Variants in EML3 observed in about 807,000 individuals in gnomAD.
EML3 encodes EMAP like 3, also known as echinoderm microtubule-associated protein-like 3.
Under a neutral mutation model 106.7 loss-of-function variants are expected in EML3, and 53 were observed. The ratio of observed to expected loss-of-function variants is 0.50; its 90% CI spans 0.40 to 0.62. The LOEUF (loss-of-function observed/expected upper bound fraction) is 0.62, where lower values mean the gene tolerates loss of function less well. Among genes scored for constraint, EML3 ranks in the 20% least tolerant of loss-of-function variants. The pLI, the probability that EML3 is intolerant of heterozygous loss-of-function variation, is 0.00. For missense variants in EML3, 994 were observed against 1,209.1 expected (o/e 0.82, Z 2.64); for synonymous variants, 499 against 489.6 (o/e 1.02, Z -0.25).
rs114025614 is a variant in EML3, at chr11:62,607,847, C to T, written c.1207-26G>A. 1.4e-3 allele frequency: 2,200 copies of T among 1,603,900 alleles called. 31 individuals are homozygous for T. In the African/African-American group the frequency reaches 0.027, roughly 20 times the overall value. ...CTGAAGGGAAGACACTAGATTCAGCCACCCCAAGCCCTGGGTACCTTCATT... is the reference window on the plus strand; with the variant it reads ...CTGAAGGGAAGACACTAGATTCAGCTACCCCAAGCCCTGGGTACCTTCATT... On this transcript the variant is annotated intron_variant, in intron 10 of 21. Transcript: ENST00000394773.
chr11:62,602,471 G>C lies in EML3; in HGVS notation c.*4C>G. ...CCGGGCCAGTCGGTCCCGCCAGGCA[G>C]CGATCAAACGTCGAGGGAGGAGGCG... On this transcript the variant is annotated 3_prime_UTR_variant, in exon 22 of 22. Coordinates refer to ENST00000394773, the MANE Select transcript of EML3 (RefSeq NM_153265.3). 6.5e-7 allele frequency: 1 copy of C among 1,541,304 alleles called. No homozygotes were observed. The highest frequency in any genetic ancestry group is 8.8e-7 in the Non-Finnish European group (1 of 1,141,500).
At chr11:62,606,395 G>C (rs1942521949) in intron 12 of EML3, 181 bp from the exon 13 acceptor site, 1 of 754,514 alleles carries the variant, frequency 1.3e-6, no homozygotes, top group East Asian at 2.7e-5. Flanking sequence ...GGACAACTGA[G>C]ACTCACAGAA....
Position 62,602,428 on chromosome 11 carries a change from C to CGGGGG in EML3, c.*46_*47insCCCCC. 1.4e-6 allele frequency: 1 copy of CGGGGG among 737,180 alleles called. No homozygotes were observed. The highest frequency in any genetic ancestry group is 2.1e-6 in the Non-Finnish European group (1 of 474,304). The allele number at this position is 737,180 out of a possible 1,614,324, so 45.7% of individuals were successfully genotyped here. A position where few individuals can be genotyped will look rare whatever the true frequency, so the allele number is the denominator to read the frequency against. ...GGGATTGGGCCAGGGAAGGGCAGGG[C>CGGGGG]GGGGCGGGGCCACGCCGCCGGGCCA... On this transcript the variant is annotated 3_prime_UTR_variant, in exon 22 of 22. Coordinates refer to ENST00000394773, the MANE Select transcript of EML3 (RefSeq NM_153265.3).
rs1297217192 is a variant in EML3, at chr11:62,608,304, AG to A, written c.1111-9del. ...AAGAAAGGCACCCTGATCCTGAAGAAGGGTGACACATAGGAGGTGCAGAGTG... is the reference window on the plus strand; with the variant it reads ...AAGAAAGGCACCCTGATCCTGAAGAAGGTGACACATAGGAGGTGCAGAGTG... On this transcript the variant is annotated splice_polypyrimidine_tract_variant and intron_variant, in intron 9 of 21. Transcript: ENST00000394773. 1.2e-6 allele frequency: 2 copies of A among 1,613,340 alleles called. No individual in the cohort carries two copies. Among genetic ancestry groups the A allele is most frequent in the Admixed American group, 3.3e-5 (2 of 60,034 alleles).
At chr11:62,607,496 C>T in intron 11 of EML3, 170 bp downstream of exon 11, 3 of 710,032 alleles carry the variant, frequency 4.2e-6, no homozygotes, top group Admixed American at 3.2e-5. Context: ...GAGATCTTGC[C>T]ATTGCACTCT....
chr11:62,610,984 C>T lies in EML3; in HGVS notation c.461G>A (p.Arg154Lys). 1 of 1,613,430 alleles carries T rather than the reference C, an allele frequency of 6.2e-7. No homozygotes were observed. Among genetic ancestry groups the T allele is most frequent in the Non-Finnish European group, 8.5e-7 (1 of 1,179,924 alleles). The change falls in exon 4 of 22, where the codon AGA (arginine) becomes AAA (lysine). Residue 154 changes from arginine (R) to lysine (K), a missense_variant. Arg to Lys is a conservative substitution (Grantham distance 26). Around this residue, in one of 3 missense-constraint regions of EML3, gnomAD observed 269 missense variants for 265.1 expected, o/e 1.01. Coordinates refer to ENST00000394773, the MANE Select transcript of EML3 (RefSeq NM_153265.3). Reference sequence around the variant, plus strand: ...GGGGGATGAGGAGGAGGAAGAATTTCTTCGCGGCCTGGTGGGGGCATAGTG... The same window carrying T: ...GGGGGATGAGGAGGAGGAAGAATTTTTTCGCGGCCTGGTGGGGGCATAGTG... The part of the protein sequence containing the change: ...QPPQRADTPR[R>K]NSSSSSSPSE...
At position 62,605,645 on chromosome 11, in the gene EML3, G is replaced by C; in HGVS notation, c.1911C>G (p.Leu637=). Reference sequence around the variant, plus strand: ...ATCCAGGGGCACAGGGCTCTACCTTGAGGTCGATGCTCCAGGCCAGTGCAT... The same window carrying C: ...ATCCAGGGGCACAGGGCTCTACCTTCAGGTCGATGCTCCAGGCCAGTGCAT... The part of the protein sequence containing the change: ...ESHALAWSID[L]KETGLCADFH... Residue 637 remains leucine (L), a synonymous_variant, in exon 15 of 22, where the codon CTC becomes CTG. Transcript: ENST00000394773. This position sits in a 1 kb window ranked among gnomAD's most constrained non-coding sequence, Gnocchi z 5.2. 3.9e-6 allele frequency: 6 copies of C among 1,540,086 alleles called. No homozygotes were observed. The highest frequency in any genetic ancestry group is 5.2e-6 in the Non-Finnish European group (6 of 1,143,640).
chr11:62,606,856 C>CA (rs71056532), intron 12 of EML3, 102 bp downstream of exon 12: 95,745 of 910,698 alleles, frequency 0.11, 109 homozygotes, highest in Non-Finnish European at 0.11. Context: ...GACCTCATCT[C>CA]AAAAAAAAAA....
chr11:62,605,328 T>G lies in EML3; in HGVS notation c.1915-148A>C. The G allele has an allele frequency of 1.3e-6, 1 of 795,760 alleles. No individual in the cohort carries two copies. Among genetic ancestry groups the G allele is most frequent in the Non-Finnish European group, 1.9e-6 (1 of 518,284 alleles). 49.3% of individuals were successfully genotyped at this position (795,760 alleles called of 1,614,324 possible). A position where few individuals can be genotyped will look rare whatever the true frequency, so the allele number is the denominator to read the frequency against. On this transcript the variant is annotated intron_variant, in intron 15 of 21. Transcript: ENST00000394773. The surrounding 1 kb of genome is among the most constrained non-coding windows in gnomAD (Gnocchi z 5.2). ...GGGATACCCGGGTATCACTGGAGCC[T>G]GAACAGGGAGTGATACCAAAATATT...
chr11:62,612,153 G>A lies in EML3; in HGVS notation c.22+283C>T, dbSNP rs143317670. The A allele has an allele frequency of 4.7e-4, 239 of 508,520 alleles. No homozygotes were observed. The African/African-American group carries it at 4.7e-3, about 10-fold the overall frequency. 31.5% of individuals were successfully genotyped at this position (508,520 alleles called of 1,614,324 possible). A position where few individuals can be genotyped will look rare whatever the true frequency, so the allele number is the denominator to read the frequency against. ...GGGCAGTGGGGATCAGAAGGAAAAA[G>A]ACCTGAAATACCACGAGAAGAGGCC... On this transcript the variant is annotated intron_variant, in intron 1 of 21. Coordinates refer to ENST00000394773, the MANE Select transcript of EML3 (RefSeq NM_153265.3).
In EML3 at chr11:62,602,549, C is replaced by T. The variant is rs909677217; in HGVS notation, c.2617G>A (p.Gly873Arg). 2.9e-5 allele frequency: 44 copies of T among 1,495,992 alleles called. No homozygotes were observed. The highest frequency in any genetic ancestry group is 2.3e-5 in the Non-Finnish European group (26 of 1,123,804). The allele number at this position is 1,495,992 out of a possible 1,614,324, so 92.7% of individuals were successfully genotyped here. A position where few individuals can be genotyped will look rare whatever the true frequency, so the allele number is the denominator to read the frequency against. Residue 873 changes from glycine (G) to arginine (R), a missense_variant, in exon 22 of 22, where the codon GGG becomes AGG. Physicochemically the swap from Gly to Arg is moderately radical, Grantham distance 125. Coordinates refer to ENST00000394773, the MANE Select transcript of EML3 (RefSeq NM_153265.3). Reference protein sequence around the residue: ...SIFQWRVLGAGGAGPAPATPS... With the variant: ...SIFQWRVLGARGAGPAPATPS... Reference sequence around the variant, plus strand: ...GTGGCGGGCGCCGGCCCCGCGCCCCCAGCGCCCAGCACTCGCCACTGGAAG... The same window carrying T: ...GTGGCGGGCGCCGGCCCCGCGCCCCTAGCGCCCAGCACTCGCCACTGGAAG...
At chr11:62,604,520 G>A (rs1168614240) in intron 16 of EML3, among the ~76,000 whole-genome samples, 1 of 152,118 alleles carries the variant, frequency 6.6e-6, no homozygotes, top group Non-Finnish European at 1.5e-5. Flanking sequence ...TAGAATTACA[G>A]GTGCGTACCA....
chr11:62,603,292 A>T (rs1942339420), intron 19 of EML3, 45 bp from the exon 20 acceptor site: 1 of 1,562,688 alleles, frequency 6.4e-7, no homozygotes, highest in African/African-American at 1.4e-5. Context: ...CCCTGCCCTC[A>T]GTAGGGAAGA....
intron 13 of EML3, 32 bp from the exon 14 acceptor site, chr11:62,606,012 A>G (rs373595834): frequency 6.2e-7 from 1 of 1,613,752 alleles, no homozygotes; most frequent in East Asian, 2.2e-5. Flanking sequence ...TCAAGAGCCC[A>G]CTGACTATTG....
At chr11:62,606,895 T>C (rs1229046080) in intron 12 of EML3, 63 bp downstream of exon 12, 3 of 1,159,680 alleles carry the variant, frequency 2.6e-6, no homozygotes, top group East Asian at 2.6e-5. Context: ...GGAAACCCTC[T>C]CCTCTGTTCC....
rs1164563053 is a variant in EML3 at position 62,602,299 on chromosome 11, G to A, written c.*176C>T. 6.4e-7 allele frequency: 1 copy of A among 1,550,818 alleles called. No individual in the cohort carries two copies. The highest frequency in any genetic ancestry group is 2.4e-5 in the East Asian group (1 of 40,890). On this transcript the variant is annotated 3_prime_UTR_variant, in exon 22 of 22. Coordinates refer to ENST00000394773, the MANE Select transcript of EML3 (RefSeq NM_153265.3). Reference sequence around the variant, plus strand: ...CTGGGGCTGCCCGGCTCAGCCAGCGGGTCTAAACAGTGTGTGCAGGGGCGC... The same window carrying A: ...CTGGGGCTGCCCGGCTCAGCCAGCGAGTCTAAACAGTGTGTGCAGGGGCGC...
Position 62,602,325 on chromosome 11 carries a change from C to T in EML3, c.*150G>A, listed in dbSNP as rs1942250777. ...GTCTAAACAGTGTGTGCAGGGGCGC[C>T]GTTCGCGCCCTCCAGGAAAATGCGC... is the stretch of plus-strand genomic sequence containing the variant. On this transcript the variant is annotated 3_prime_UTR_variant, in exon 22 of 22. Coordinates refer to ENST00000394773, the MANE Select transcript of EML3 (RefSeq NM_153265.3). 10 of 1,549,346 alleles carry T rather than the reference C, an allele frequency of 6.5e-6. No homozygotes were observed. In the Middle Eastern group the frequency reaches 5.0e-4, roughly 77 times the overall value.
chr11:62,602,537 GCCCCGCGCC>G lies in EML3; in HGVS notation c.2620_2628del (p.Gly874_Gly876del). ...GTTCGAGAGGGCGTGGCGGGCGCCG[GCCCCGCGCC>G]CCCAGCGCCCAGCACTCGCCACTGG... is the stretch of plus-strand genomic sequence containing the variant. On this transcript the variant is annotated inframe_deletion, in exon 22 of 22. Coordinates refer to ENST00000394773, the MANE Select transcript of EML3 (RefSeq NM_153265.3). 6.0e-6 allele frequency: 9 copies of G among 1,489,258 alleles called. No individual in the cohort carries two copies. The highest frequency in any genetic ancestry group is 8.0e-6 in the Non-Finnish European group (9 of 1,120,600). 92.3% of individuals were successfully genotyped at this position (1,489,258 alleles called of 1,614,324 possible).
Position 62,610,985 on chromosome 11 carries a change from T to C in EML3, c.460A>G (p.Arg154Gly). ...QPPQRADTPR[R>G]NSSSSSSPSE... ...GGGGATGAGGAGGAGGAAGAATTTC[T>C]TCGCGGCCTGGTGGGGGCATAGTGA... is the stretch of plus-strand genomic sequence containing the variant. Residue 154 changes from arginine (R) to glycine (G), a missense_variant, in exon 4 of 22, where the codon AGA (arginine) becomes GGA (glycine). This residue lies in a region of EML3 where 269 missense variants were observed against 265.1 expected (regional missense o/e 1.01). Transcript: ENST00000394773. 6.2e-7 allele frequency: 1 copy of C among 1,613,462 alleles called. No individual in the cohort carries two copies. Among genetic ancestry groups the C allele is most frequent in the South Asian group, 1.1e-5 (1 of 91,068 alleles).
Sources: gnomAD v4.1 joint callset for allele counts (sites outside exome capture counted in the v4.1 genomes callset) on GRCh38, gnomAD v4.1.1 for gene constraint, gnomAD v4.1.1 regional missense constraint, Gnocchi (gnomAD v3.1) non-coding constraint, MANE v1.5 for transcripts, NCBI Gene and HGNC (gene_info 2026-07-23, HGNC 2026-07-21) for gene names.